The following C2CD2 variants were observed in gnomAD, a reference collection of about 807,000 sequenced individuals.
The protein encoded by C2CD2 is C2 domain-containing protein 2.
A neutral mutation model predicts 74.3 loss-of-function variants in C2CD2; 43 were observed. The ratio of observed to expected loss-of-function variants is 0.58; its 90% CI spans 0.45 to 0.75. The LOEUF is 0.75. Ranked by LOEUF, C2CD2 falls within the 30% of genes least tolerant of loss-of-function variation. C2CD2 has a pLI of 0.00. For synonymous variants in C2CD2, 422 were observed against 390.7 expected (o/e 1.08, Z -0.94); for missense variants, 801 against 916.3 (o/e 0.87, Z 1.63).
intron 13 of C2CD2, among the ~76,000 whole-genome samples, chr21:41,898,078 G>A (rs368287529): frequency 2.0e-5 from 3 of 152,322 alleles, no homozygotes; most frequent in Admixed American, 2.0e-4. Flanking sequence ...CGACAGCAGC[G>A]CTTAACAAAG....
chr21:41,901,717 C>T lies in C2CD2; in HGVS notation c.1465G>A (p.Ala489Thr). ...LLVLNGSDPV[A>T]EVAIRQLSES... Reference sequence around the variant, plus strand: ...CTGAGCTGTCGAATGGCCACTTCAGCCACTGGATCCGAACCATTCAACACC... The same window carrying T: ...CTGAGCTGTCGAATGGCCACTTCAGTCACTGGATCCGAACCATTCAACACC... Residue 489 changes from alanine to threonine, a missense_variant, in exon 12 of 14, where the codon GCT becomes ACT. Ala to Thr is a moderately conservative substitution (Grantham distance 58). Transcript: ENST00000380486. 6.2e-7 allele frequency: 1 copy of T among 1,613,850 alleles called. No individual in the cohort carries two copies.
chr21:41,906,881 AT>A, intron 10 of C2CD2, 110 bp downstream of exon 10: 1 of 772,136 alleles, frequency 1.3e-6, no homozygotes, highest in Non-Finnish European at 2.1e-6. Flanking sequence ...TGCTGTGAGA[AT>A]TTCCTAACAC....
intron 7 of C2CD2, 38 bp downstream of exon 7, chr21:41,912,294 G>T: frequency 7.7e-7 from 1 of 1,305,960 alleles, no homozygotes; most frequent in Non-Finnish European, 1.1e-6. Context: ...AACAGACACG[G>T]CCGTGGACAC....
intron 7 of C2CD2, among the ~76,000 whole-genome samples, chr21:41,909,936 A>G (rs2065006942): frequency 6.6e-6 from 1 of 152,076 alleles, no homozygotes; most frequent in Non-Finnish European, 1.5e-5. Context: ...TAAAGACAAA[A>G]TACGGAACAT....
Position 41,947,112 on chromosome 21 carries a change from T to TTC in C2CD2, c.280-4869_280-4868dup, listed in dbSNP as rs147753254. Among the ~76,000 whole-genome samples the TTC allele has an allele frequency of 9.7e-3, 254 of 26,216 alleles. 18 individuals carry two copies. The highest frequency in any genetic ancestry group is 0.031 in the African/African-American group (180 of 5,806). The allele number at this position is 26,216 out of a possible 152,430, so 17.2% of individuals were successfully genotyped here. On this transcript the variant is annotated intron_variant, in intron 1 of 13. Coordinates refer to ENST00000380486, the MANE Select transcript of C2CD2 (RefSeq NM_015500.2). The stretch of plus-strand genomic sequence containing the variant: ...TTTCTTTCTTTCTTTCCTTTCTCTT[T>TTC]TCTCTCTCTCTCTCTCTCTCTCTCT...
intron 6 of C2CD2, among the ~76,000 whole-genome samples, chr21:41,913,525 G>A (rs984326454): frequency 1.3e-5 from 2 of 152,130 alleles, no homozygotes; most frequent in Non-Finnish European, 2.9e-5. Context: ...AACCCTGACC[G>A]ACCGAGTCCA....
chr21:41,921,833 TAC>T (rs1227765235), intron 3 of C2CD2, 137 bp downstream of exon 3: 2 of 624,828 alleles, frequency 3.2e-6, no homozygotes, highest in African/African-American at 1.8e-5. Context: ...TATGAAAGGT[TAC>T]AGTTTGAAAA....
intron 13 of C2CD2, among the ~76,000 whole-genome samples, chr21:41,898,109 G>A (rs933233480): frequency 1.3e-5 from 2 of 152,202 alleles, no homozygotes; most frequent in Admixed American, 6.5e-5. Flanking sequence ...GAGCCCCTTC[G>A]ATTTCCCGAC....
At chr21:41,936,168 C>T (rs565077) in intron 2 of C2CD2, among the ~76,000 whole-genome samples, 42,807 of 151,896 alleles carry the variant, frequency 0.28, 6,695 homozygotes, top group Non-Finnish European at 0.35. Flanking sequence ...AGACAACCTA[C>T]GGAATGGAAT....
intron 2 of C2CD2, among the ~76,000 whole-genome samples, chr21:41,940,356 C>A (rs1241109888): frequency 6.6e-6 from 1 of 152,172 alleles, no homozygotes; most frequent in Admixed American, 6.5e-5. Flanking sequence ...ATAGAGAAAG[C>A]TTGTTGCAAA....
intron 2 of C2CD2, among the ~76,000 whole-genome samples, chr21:41,936,005 A>T (rs895372539): frequency 1.3e-5 from 2 of 152,124 alleles, no homozygotes; most frequent in Non-Finnish European, 2.9e-5. Flanking sequence ...TAGAAAAAAA[A>T]ACATAGAAGG....
chr21:41,940,865 T>C (rs2146225184), intron 2 of C2CD2, among the ~76,000 whole-genome samples: 1 of 152,328 alleles, frequency 6.6e-6, no homozygotes, highest in Admixed American at 6.5e-5. Flanking sequence ...CCAACAAGAA[T>C]ATACTGTATT....
intron 1 of C2CD2, among the ~76,000 whole-genome samples, chr21:41,948,875 T>A (rs865817182): frequency 8.0e-6 from 1 of 124,432 alleles, no homozygotes; most frequent in African/African-American, 3.0e-5. Flanking sequence ...AGCATCTTTT[T>A]TTTTTTTTTT....
chr21:41,917,363 T>C (rs1398722315), intron 5 of C2CD2, among the ~76,000 whole-genome samples: 1 of 152,246 alleles, frequency 6.6e-6, no homozygotes, highest in East Asian at 1.9e-4. Flanking sequence ...TAAAGATGTA[T>C]TTTATCATGC....
At chr21:41,891,701 CAG>C (rs769727405) in intron 13 of C2CD2, among the ~76,000 whole-genome samples, 36 of 152,244 alleles carry the variant, frequency 2.4e-4, no homozygotes, top group Non-Finnish European at 4.0e-4. Context: ...CCAGGTGGAA[CAG>C]GGGAGAGGAA....
At chr21:41,935,243 T>C (rs1206083396) in intron 2 of C2CD2, among the ~76,000 whole-genome samples, 1 of 152,082 alleles carries the variant, frequency 6.6e-6, no homozygotes. Flanking sequence ...TTTAGTAACA[T>C]GGGGGAAAGA....
At chr21:41,911,932 G>C (rs2065030337) in intron 7 of C2CD2, among the ~76,000 whole-genome samples, 2 of 152,098 alleles carry the variant, frequency 1.3e-5, no homozygotes, top group African/African-American at 4.8e-5. Flanking sequence ...AAACTCCTGG[G>C]CTCAAGCGAT....
intron 2 of C2CD2, among the ~76,000 whole-genome samples, chr21:41,932,482 G>T (rs1321136043): frequency 2.7e-5 from 4 of 150,708 alleles, no homozygotes; most frequent in African/African-American, 9.7e-5. Context: ...CGGAGCTTAC[G>T]CCTGGTGTCT....
In C2CD2 at chr21:41,945,751, T is replaced by C. The variant is rs762848265; in HGVS notation, c.280-3506A>G. On this transcript the variant is annotated intron_variant, in intron 1 of 13. Coordinates refer to ENST00000380486, the MANE Select transcript of C2CD2 (RefSeq NM_015500.2). This position sits in a 1 kb window ranked among gnomAD's most constrained non-coding sequence, Gnocchi z 4.2. ...CAAGATCTGATGCTTTTCTAAGTGT[T>C]TGGAAGTTCCTCCTTCCTTCTTCCC... Among the ~76,000 whole-genome samples, 1 of 152,192 alleles carries C rather than the reference T, an allele frequency of 6.6e-6. No homozygotes were observed. Among genetic ancestry groups the C allele is most frequent in the Non-Finnish European group, 1.5e-5 (1 of 68,036 alleles).
Sources: allele counts gnomAD v4.1 joint callset (sites outside exome capture counted in the v4.1 genomes callset), GRCh38; gene constraint gnomAD v4.1.1; non-coding constraint Gnocchi (gnomAD v3.1); transcripts MANE v1.5; gene names NCBI Gene and HGNC (gene_info 2026-07-23, HGNC 2026-07-21).